Variants in FLII observed in about 807,000 individuals in gnomAD.
FLII encodes protein flightless-1 homolog.
FLII carries 101 observed loss-of-function variants against 156.2 expected under a neutral mutation model. That is an observed-to-expected ratio of 0.65 (90% CI 0.55 to 0.76). The LOEUF is 0.76. Among genes scored for constraint, FLII ranks in the 30% least tolerant of loss-of-function variants. FLII has a pLI of 0.00. For missense variants in FLII, 1,675 were observed against 1,682.8 expected (o/e 1.00, Z 0.08); for synonymous variants, 767 against 685.8 (o/e 1.12, Z -1.85).
chr17:18,251,322 C>A lies in FLII; in HGVS notation c.1539G>T (p.Leu513=). ...ACTTGCCGTGGAAGGCTTCCTCCAC[C>A]AGCACAGGCACGAAGTTCTCTATCT... ...IWQIENFVPV[L]VEEAFHGKFY... is the part of the protein sequence containing the mutation. The change falls in exon 13 of 30, where the codon CTG becomes CTT. Residue 513 remains leucine (L), a synonymous_variant. Transcript: ENST00000327031. 7 of 1,613,972 alleles carry A rather than the reference C, an allele frequency of 4.3e-6. No homozygotes were observed. The highest frequency in any genetic ancestry group is 5.1e-6 in the Non-Finnish European group (6 of 1,180,036).
In FLII at chr17:18,253,733, T is replaced by TG. The variant is rs757717738; in HGVS notation, c.680-15dup. On this transcript the variant is annotated splice_polypyrimidine_tract_variant and intron_variant, in intron 7 of 29. Coordinates refer to ENST00000327031, the MANE Select transcript of FLII (RefSeq NM_002018.4). ...ACAGATCCACGTCTGGGGTGCAGGG[T>TG]GGGGTGCATCAGCTGGGGCCCATAC... is the stretch of plus-strand genomic sequence containing the variant. 1.3e-6 allele frequency: 2 copies of TG among 1,591,308 alleles called. No individual in the cohort carries two copies. The highest frequency in any genetic ancestry group is 1.7e-6 in the Non-Finnish European group (2 of 1,167,234).
chr17:18,253,346 A>G lies in FLII; in HGVS notation c.968T>C (p.Met323Thr), dbSNP rs1017555355. 1 of 1,613,960 alleles carries G rather than the reference A, an allele frequency of 6.2e-7. No individual in the cohort carries two copies. Among genetic ancestry groups the G allele is most frequent in the African/African-American group, 1.3e-5 (1 of 75,056 alleles). Residue 323 changes from methionine (M) to threonine (T), a missense_variant, in exon 9 of 30, where the codon ATG becomes ACG. By Grantham distance (81) the Met-to-Thr change is moderately conservative. This residue lies in a region of FLII where 1,332 missense variants were observed against 1,269.3 expected (regional missense o/e 1.05). Coordinates refer to ENST00000327031, the MANE Select transcript of FLII (RefSeq NM_002018.4). ...CAGCTCCAGGTTGTTGTTGGCAGCCATGAACTCTTCCAGGTTGGTGAGCTT... is the reference window on the plus strand; with the variant it reads ...CAGCTCCAGGTTGTTGTTGGCAGCCGTGAACTCTTCCAGGTTGGTGAGCTT... ...IGKLTNLEEFMAANNNLELVP... is the reference protein window; with the variant it reads ...IGKLTNLEEFTAANNNLELVP...
chr17:18,251,138 G>A (rs2048254605), intron 13 of FLII, 121 bp from the exon 14 acceptor site: 1 of 1,406,108 alleles, frequency 7.1e-7, no homozygotes, highest in Non-Finnish European at 9.6e-7. Flanking sequence ...CCTGTGCCTG[G>A]ACCACCTCCT....
chr17:18,252,644 C>T, intron 9 of FLII, 88 bp from the exon 10 acceptor site: 2 of 1,022,220 alleles, frequency 2.0e-6, no homozygotes, highest in East Asian at 2.4e-5. Context: ...GGAGGGGAGG[C>T]AGGTAGGGTC....
chr17:18,250,634 C>T (rs943675166), intron 14 of FLII, among the ~76,000 whole-genome samples: 1 of 152,214 alleles, frequency 6.6e-6, no homozygotes, highest in Admixed American at 6.5e-5. Flanking sequence ...CCAGAACTCT[C>T]CTTTGCTGAC....
rs746099038 is a variant in FLII at position 18,247,837 on chromosome 17, C to T, written c.2307G>A (p.Leu769=). The change falls in exon 20 of 30, where the codon CTG becomes CTA. Residue 769 remains leucine (L), a synonymous_variant. Transcript: ENST00000327031. ...GAATGTACACGCAGCGCGTGTCCAG[C>T]AGACTCTGCAGCTGCGGACCGGGAG... ...LMPRMRLLQS[L]LDTRCVYILD... 1 of 1,613,816 alleles carries T rather than the reference C, an allele frequency of 6.2e-7. No homozygotes were observed. The highest frequency in any genetic ancestry group is 1.1e-5 in the South Asian group (1 of 91,084).
At position 18,247,270 on chromosome 17, in the gene FLII, G is replaced by A. The variant is rs762906341; in HGVS notation, c.2575C>T (p.Leu859Phe). Residue 859 changes from leucine (L) to phenylalanine (F), a missense_variant, in exon 21 of 30, where the codon CTC becomes TTC. By Grantham distance (22) the Leu-to-Phe change is conservative. Around this residue, in one of 2 missense-constraint regions of FLII, gnomAD observed 1,332 missense variants for 1,269.3 expected, o/e 1.05. Coordinates refer to ENST00000327031, the MANE Select transcript of FLII (RefSeq NM_002018.4). ...GCGTCGCGTTTCACCTTCCCGGAGA[G>A]ACCCGGGCTCTGCAGCACGGCCTCC... ...NAEAVLQSPG[L>F]SGKVKRDAEK... 7.4e-6 allele frequency: 12 copies of A among 1,612,092 alleles called. No individual in the cohort carries two copies. In the South Asian group the frequency reaches 1.3e-4, roughly 18 times the overall value.
At chr17:18,253,845 G>T in intron 7 of FLII, 126 bp from the exon 8 acceptor site, 1 of 1,033,698 alleles carries the variant, frequency 9.7e-7, no homozygotes, top group Non-Finnish European at 1.4e-6. Context: ...CAACTGCTGT[G>T]CGCCCAAGTT....
At chr17:18,257,857 C>T (rs2048471949) in intron 1 of FLII, among the ~76,000 whole-genome samples, 1 of 152,234 alleles carries the variant, frequency 6.6e-6, no homozygotes, top group Non-Finnish European at 1.5e-5. Context: ...GAAGGTGAGG[C>T]TGACCCTCCA....
In FLII at chr17:18,246,449, G is replaced by A. The variant is rs377505637; in HGVS notation, c.3065C>T (p.Thr1022Met). The change falls in exon 24 of 30, where the codon ACG (threonine) becomes ATG (methionine). Residue 1022 changes from threonine (T) to methionine (M), a missense_variant. Coordinates refer to ENST00000327031, the MANE Select transcript of FLII (RefSeq NM_002018.4). ...GAACTTGGGGTTCTCCTGCTGCTGCGTCATGCGTACCACCTGGGGATGTGG... is the reference window on the plus strand; with the variant it reads ...GAACTTGGGGTTCTCCTGCTGCTGCATCATGCGTACCACCTGGGGATGTGG... ...FPGKLEVVRM[T>M]QQQENPKFLS... is the part of the protein sequence containing the mutation. 10 of 1,613,888 alleles carry A rather than the reference G, an allele frequency of 6.2e-6. No homozygotes were observed. The highest frequency in any genetic ancestry group is 1.6e-4 in the Middle Eastern group (1 of 6,062).
chr17:18,251,347 T>C lies in FLII; in HGVS notation c.1514A>G (p.Gln505Arg). 1 of 1,613,858 alleles carries C rather than the reference T, an allele frequency of 6.2e-7. No individual in the cohort carries two copies. Among genetic ancestry groups the C allele is most frequent in the Non-Finnish European group, 8.5e-7 (1 of 1,180,036 alleles). The change falls in exon 13 of 30, where the codon CAG (glutamine) becomes CGG (arginine). Residue 505 changes from glutamine to arginine, a missense_variant. Around this residue, in one of 2 missense-constraint regions of FLII, gnomAD observed 1,332 missense variants for 1,269.3 expected, o/e 1.05. Coordinates refer to ENST00000327031, the MANE Select transcript of FLII (RefSeq NM_002018.4). Reference sequence around the variant, plus strand: ...CAGCACAGGCACGAAGTTCTCTATCTGCCAGATGGTCAGTCCGGGCAGCTG... The same window carrying C: ...CAGCACAGGCACGAAGTTCTCTATCCGCCAGATGGTCAGTCCGGGCAGCTG... ...VGQLPGLTIWQIENFVPVLVE... is the reference protein window; with the variant it reads ...VGQLPGLTIWRIENFVPVLVE...
intron 3 of FLII, 143 bp downstream of exon 3, chr17:18,256,383 C>T (rs2142872607): frequency 1.5e-6 from 1 of 647,620 alleles, no homozygotes; most frequent in East Asian, 2.7e-5. Context: ...ATGAGAGGGC[C>T]CCTCTGTGAC....
intron 12 of FLII, 56 bp downstream of exon 12, chr17:18,251,624 C>T (rs1216909345): frequency 1.2e-5 from 20 of 1,608,590 alleles, no homozygotes; most frequent in Admixed American, 6.7e-5. Flanking sequence ...AGGCCAGGGT[C>T]GGCCTTCAGC....
In FLII at chr17:18,246,145, C is replaced by T. The variant is rs373074842; in HGVS notation, c.3267+17G>A. On this transcript the variant is annotated intron_variant, in intron 25 of 29. Coordinates refer to ENST00000327031, the MANE Select transcript of FLII (RefSeq NM_002018.4). Reference sequence around the variant, plus strand: ...CCCCTTGGTCCACGGAGTCCTGGCTCACACCCACAACCCCACCTTGAGGAT... The same window carrying T: ...CCCCTTGGTCCACGGAGTCCTGGCTTACACCCACAACCCCACCTTGAGGAT... The T allele has an allele frequency of 6.2e-7, 1 of 1,614,116 alleles. No individual in the cohort carries two copies. Among genetic ancestry groups the T allele is most frequent in the Non-Finnish European group, 8.5e-7 (1 of 1,179,972 alleles).
At position 18,248,774 on chromosome 17, in the gene FLII, C is replaced by A. The variant is rs1567709691; in HGVS notation, c.2018+26G>T. The A allele has an allele frequency of 1.9e-6, 3 of 1,614,038 alleles. No homozygotes were observed. The East Asian group carries it at 6.7e-5, about 36-fold the overall frequency. On this transcript the variant is annotated intron_variant, in intron 17 of 29. Transcript: ENST00000327031. Reference sequence around the variant, plus strand: ...GAGGCTCACACCCCTTTCCTTCACACAAAAGACCCCACGGTGTCCTTGTAC... The same window carrying A: ...GAGGCTCACACCCCTTTCCTTCACAAAAAAGACCCCACGGTGTCCTTGTAC...
At chr17:18,253,498 GCTCACGGCCTTC>G (rs2048328868) in intron 8 of FLII, 34 bp downstream of exon 8, 1 of 1,613,330 alleles carries the variant, frequency 6.2e-7, no homozygotes, top group Non-Finnish European at 8.5e-7. Context: ...TCAGGGCCAG[GCTCACGGCCTTC>G]CTCCCATCCC....
rs1165728899 is a variant in FLII at position 18,250,923 on chromosome 17, T to C, written c.1691A>G (p.His564Arg). 14 of 1,613,898 alleles carry C rather than the reference T, an allele frequency of 8.7e-6. No homozygotes were observed. The highest frequency in any genetic ancestry group is 1.3e-5 in the African/African-American group (1 of 74,926). The change falls in exon 14 of 30, where the codon CAC (histidine) becomes CGC (arginine). Residue 564 changes from histidine to arginine, a missense_variant. His to Arg is a conservative substitution (Grantham distance 29). This residue lies in a region of FLII where 1,332 missense variants were observed against 1,269.3 expected (regional missense o/e 1.05). Transcript: ENST00000327031. ...TLDKKACSAIHAVNLRNYLGA... is the reference protein window; with the variant it reads ...TLDKKACSAIRAVNLRNYLGA... ...CAGGTAGTTGCGCAAGTTGACAGCG[T>C]GGATGGCAGAGCAAGCTTTCTTGTC...
chr17:18,247,862 G>T lies in FLII; in HGVS notation c.2296-14C>A. The stretch of plus-strand genomic sequence containing the variant: ...CAGACTCTGCAGCTGCGGACCGGGA[G>T]TCTGGAGGTCAAAGCCCAGCCAACG... On this transcript the variant is annotated splice_polypyrimidine_tract_variant and intron_variant, in intron 19 of 29. Transcript: ENST00000327031. 1 of 1,614,024 alleles carries T rather than the reference G, an allele frequency of 6.2e-7. No homozygotes were observed. The highest frequency in any genetic ancestry group is 8.5e-7 in the Non-Finnish European group (1 of 1,179,982).
rs2048440014 is a variant in FLII at position 18,257,019 on chromosome 17, C to G, written c.64G>C (p.Gly22Arg). ...TTGACATTCTCAGGGAAGTAGCCGCCCTGGGGGAAGGATGTCAAGGTGAAG... is the reference window on the plus strand; with the variant it reads ...TTGACATTCTCAGGGAAGTAGCCGCGCTGGGGGAAGGATGTCAAGGTGAAG... ...GVDLSGNDFK[G>R]GYFPENVKAM... is the part of the protein sequence containing the mutation. Residue 22 changes from glycine to arginine, a missense_variant and splice_region_variant, in exon 2 of 30, where the codon GGC (glycine) becomes CGC (arginine). Transcript: ENST00000327031. 9 of 1,597,834 alleles carry G rather than the reference C, an allele frequency of 5.6e-6. No homozygotes were observed. The highest frequency in any genetic ancestry group is 6.8e-6 in the Non-Finnish European group (8 of 1,171,260).
Sources: allele counts gnomAD v4.1 joint callset (sites outside exome capture counted in the v4.1 genomes callset), GRCh38; gene constraint gnomAD v4.1.1; regional missense constraint gnomAD v4.1.1; transcripts MANE v1.5; gene names NCBI Gene and HGNC (gene_info 2026-07-23, HGNC 2026-07-21).